The following TSHR variants were observed in gnomAD, a reference collection of about 807,000 sequenced individuals.
TSHR encodes the protein thyrotropin receptor.
TSHR carries 51 observed loss-of-function variants against 64.1 expected under a neutral mutation model. The ratio of observed to expected loss-of-function variants is 0.80; its 90% CI spans 0.64 to 1.01. TSHR has a LOEUF of 1.01. Ranked by LOEUF, TSHR falls within the 50% of genes least tolerant of loss-of-function variation. The pLI is 0.00. For synonymous variants in TSHR, 361 were observed against 361.9 expected (o/e 1.00, Z 0.03); for missense variants, 877 against 942.8 (o/e 0.93, Z 0.91).
chr14:81,076,858 A>G (rs1160333448), intron 3 of TSHR, among the ~76,000 whole-genome samples: 1 of 152,190 alleles, frequency 6.6e-6, no homozygotes, highest in Non-Finnish European at 1.5e-5. Context: ...AAATCCAAGT[A>G]TCTTAACATA....
intron 7 of TSHR, among the ~76,000 whole-genome samples, chr14:81,097,719 A>G (rs1889302123): frequency 6.6e-6 from 1 of 152,090 alleles, no homozygotes; most frequent in African/African-American, 2.4e-5. Flanking sequence ...GAACAATTCC[A>G]TTTTTAAATG....
intron 8 of TSHR, among the ~76,000 whole-genome samples, chr14:81,132,506 T>C (rs1327419566): frequency 6.6e-6 from 1 of 152,196 alleles, no homozygotes; most frequent in African/African-American, 2.4e-5. Context: ...TCTCATGATA[T>C]TCTTCTCTGT....
At chr14:81,022,114 A>AC (rs1221519406) in intron 1 of TSHR, among the ~76,000 whole-genome samples, 2 of 150,702 alleles carry the variant, frequency 1.3e-5, no homozygotes, top group East Asian at 3.9e-4. Context: ...TACAAAAAAA[A>AC]AAAAAAAAAG....
intron 8 of TSHR, among the ~76,000 whole-genome samples, chr14:81,134,867 T>C (rs1244815125): frequency 6.6e-6 from 1 of 152,124 alleles, no homozygotes; most frequent in African/African-American, 2.4e-5. Context: ...CCAGTGCCCA[T>C]TATAATAAAT....
intron 1 of TSHR, among the ~76,000 whole-genome samples, chr14:81,060,710 A>G (rs1419800639): frequency 1.3e-5 from 2 of 152,150 alleles, no homozygotes; most frequent in Non-Finnish European, 2.9e-5. Flanking sequence ...AAAAATACAC[A>G]ATGTTATTCT....
intron 8 of TSHR, chr14:81,108,713 G>A (rs1890080145): frequency 6.2e-7 from 1 of 1,613,328 alleles, no homozygotes; most frequent in Non-Finnish European, 8.5e-7. Flanking sequence ...TGGTGTACAT[G>A]CTCACAGAGG....
At chr14:81,013,457 G>A (rs534285632) in intron 1 of TSHR, 2 of 152,252 alleles carry the variant, frequency 1.3e-5, no homozygotes, top group South Asian at 4.1e-4. Context: ...CAATTTTTGA[G>A]ACATATAAGT....
intron 1 of TSHR, among the ~76,000 whole-genome samples, chr14:81,045,830 A>T (rs777261882): frequency 1.5e-4 from 23 of 152,256 alleles, no homozygotes; most frequent in Non-Finnish European, 3.2e-4. Flanking sequence ...GTTTAAAACA[A>T]CTACCAATTT....
chr14:81,016,029 T>TG (rs559020907), intron 1 of TSHR, among the ~76,000 whole-genome samples: 90 of 152,268 alleles, frequency 5.9e-4, no homozygotes, highest in African/African-American at 2.1e-3. Context: ...CATGTGTAGA[T>TG]GGACACTTTG....
intron 3 of TSHR, among the ~76,000 whole-genome samples, chr14:81,074,080 T>A (rs1887314147): frequency 6.6e-6 from 1 of 152,136 alleles, no homozygotes; most frequent in South Asian, 2.1e-4. Flanking sequence ...TAAGTAAACA[T>A]TCAATTCTCT....
intron 2 of TSHR, among the ~76,000 whole-genome samples, chr14:81,066,657 C>A (rs1886634251): frequency 1.3e-5 from 2 of 152,148 alleles, no homozygotes. Flanking sequence ...CAGTGGTTCT[C>A]AACATTGCCT....
chr14:80,997,805 G>A (rs1349567511), intron 1 of TSHR, among the ~76,000 whole-genome samples: 1 of 152,194 alleles, frequency 6.6e-6, no homozygotes, highest in Non-Finnish European at 1.5e-5. Flanking sequence ...ACAGGACAGG[G>A]CAGGTTAGTG....
chr14:80,956,363 C>G (rs1339744802), intron 1 of TSHR, among the ~76,000 whole-genome samples: 1 of 152,214 alleles, frequency 6.6e-6, no homozygotes, highest in African/African-American at 2.4e-5. Flanking sequence ...ACTGTCTATA[C>G]AGTATCTGTA....
chr14:81,051,712 C>T (rs1271444678), intron 1 of TSHR: 1 of 152,124 alleles, frequency 6.6e-6, no homozygotes, highest in Non-Finnish European at 1.5e-5. Flanking sequence ...TAGCATTCAC[C>T]TTTTTGATGA....
At chr14:81,135,995 G>A (rs1891441391) in intron 8 of TSHR, among the ~76,000 whole-genome samples, 1 of 152,224 alleles carries the variant, frequency 6.6e-6, no homozygotes, top group African/African-American at 2.4e-5. Flanking sequence ...TTAGAACGAT[G>A]ACAAGTGAGG....
At chr14:81,133,389 T>G (rs1891329788) in intron 8 of TSHR, among the ~76,000 whole-genome samples, 1 of 152,204 alleles carries the variant, frequency 6.6e-6, no homozygotes. Flanking sequence ...AGTCAGAGAC[T>G]GCTGCCTTGC....
At chr14:81,090,104 T>C (rs114917497) in intron 4 of TSHR, among the ~76,000 whole-genome samples, 1,811 of 152,240 alleles carry the variant, frequency 0.012, 38 homozygotes, top group African/African-American at 0.04. Flanking sequence ...TTAAAACAAC[T>C]AAATCTGGGA....
chr14:81,049,863 T>C (rs1885345239), intron 1 of TSHR: 1 of 152,248 alleles, frequency 6.6e-6, no homozygotes, highest in African/African-American at 2.4e-5. Flanking sequence ...AGAAGGTGCT[T>C]GTTTGCCCTT....
chr14:81,048,078 A>G (rs904560263), intron 1 of TSHR, among the ~76,000 whole-genome samples: 2 of 152,174 alleles, frequency 1.3e-5, no homozygotes, highest in Admixed American at 6.5e-5. Context: ...TCGCTTTTAT[A>G]TCTACCTTGC....
Sources: gnomAD v4.1 joint callset for allele counts (sites outside exome capture counted in the v4.1 genomes callset) on GRCh38, gnomAD v4.1.1 for gene constraint, MANE v1.5 for transcripts, NCBI Gene and HGNC (gene_info 2026-07-23, HGNC 2026-07-21) for gene names.